DACH2: variants seen among roughly 807,000 people sequenced by gnomAD.
The protein encoded by DACH2 is dachshund homolog 2.
A neutral mutation model predicts 35.8 loss-of-function variants in DACH2; 17 were observed. The observed-to-expected ratio is 0.48, with a 90% CI of 0.33 to 0.71. The LOEUF (loss-of-function observed/expected upper bound fraction) is 0.71, where lower values mean the gene tolerates loss of function less well. Among genes scored for constraint, DACH2 ranks in the 30% least tolerant of loss-of-function variants. DACH2 has a pLI of 0.02. For missense variants in DACH2, 469 were observed against 472.7 expected (o/e 0.99, Z 0.07); for synonymous variants, 195 against 177.3 (o/e 1.10, Z -0.79).
At chrX:86,553,858 T>C (rs2039082065) in intron 3 of DACH2, among the ~76,000 whole-genome samples, 2 of 111,661 alleles carry the variant, frequency 1.8e-5, no homozygotes, top group African/African-American at 6.5e-5. Flanking sequence ...CTTAACCATA[T>C]TTGCCAAATA....
At chrX:86,687,674 A>C (rs2040962053) in intron 4 of DACH2, among the ~76,000 whole-genome samples, 1 of 111,958 alleles carries the variant, frequency 8.9e-6, no homozygotes, top group African/African-American at 3.3e-5. Flanking sequence ...TGGATTAAGA[A>C]AATGTGGCAC....
At chrX:86,214,568 C>T (rs979394004) in intron 1 of DACH2, among the ~76,000 whole-genome samples, 1 of 111,870 alleles carries the variant, frequency 8.9e-6, no homozygotes, top group Admixed American at 9.5e-5. Context: ...TAAGATACTG[C>T]TTAAACAGTG....
chrX:86,453,936 T>G (rs1481827454), intron 2 of DACH2, among the ~76,000 whole-genome samples: 1 of 112,099 alleles, frequency 8.9e-6, no homozygotes, highest in Non-Finnish European at 1.9e-5. Context: ...TTCCCATATT[T>G]AGTGCTTCCT....
rs187368556 is a variant in DACH2, at chrX:86,727,064, T to C, written c.1104+12344T>C. Among the ~76,000 whole-genome samples the C allele has an allele frequency of 2.7e-5, 3 of 112,594 alleles. No individual in the cohort carries two copies. In the East Asian group the frequency reaches 8.4e-4, roughly 32 times the overall value. On this transcript the variant is annotated intron_variant, in intron 6 of 11. Transcript: ENST00000373125. ...TAACTCATTATTTTACAAAATATCT[T>C]AGTTGAAGTCACCAGGTCTTTTATA...
intron 4 of DACH2, among the ~76,000 whole-genome samples, chrX:86,663,052 C>A (rs1472398262): frequency 9.0e-6 from 1 of 110,947 alleles, no homozygotes; most frequent in Non-Finnish European, 1.9e-5. Flanking sequence ...AAATAGAACA[C>A]AATTATGGAC....
At chrX:86,523,881 T>A (rs1024662472) in intron 3 of DACH2, among the ~76,000 whole-genome samples, 1 of 111,488 alleles carries the variant, frequency 9.0e-6, no homozygotes, top group Non-Finnish European at 1.9e-5. Context: ...TGGGTTAGAA[T>A]AATACACCTA....
intron 1 of DACH2, among the ~76,000 whole-genome samples, chrX:86,285,174 C>A (rs1384044613): frequency 1.8e-5 from 2 of 110,845 alleles, no homozygotes; most frequent in Non-Finnish European, 3.8e-5. Flanking sequence ...GTTTCAATTT[C>A]ATTTATTTTT....
intron 3 of DACH2, among the ~76,000 whole-genome samples, chrX:86,532,537 C>T (rs2038737654): frequency 9.2e-6 from 1 of 109,178 alleles, no homozygotes; most frequent in Non-Finnish European, 1.9e-5. Flanking sequence ...GTAATATGTG[C>T]CTTGCTTCTC....
At chrX:86,783,487 A>G (rs1244189262) in intron 7 of DACH2, among the ~76,000 whole-genome samples, 1 of 112,210 alleles carries the variant, frequency 8.9e-6, no homozygotes, top group Admixed American at 9.4e-5. Context: ...AGCACTGTTT[A>G]CAGTAGCTAA....
chrX:86,372,226 C>A (rs1221070962), intron 1 of DACH2, among the ~76,000 whole-genome samples: 1 of 111,235 alleles, frequency 9.0e-6, no homozygotes, highest in African/African-American at 3.3e-5. Context: ...TGGATGTCAA[C>A]TTCAAAGGTC....
rs188376080 is a variant in DACH2 at position 86,733,610 on chromosome X, T to C, written c.1105-6137T>C. Among the ~76,000 whole-genome samples the C allele has an allele frequency of 4.6e-3, 519 of 111,919 alleles. 3 individuals carry two copies. Among genetic ancestry groups the C allele is most frequent in the African/African-American group, 0.016 (493 of 30,879 alleles). ...TTCTATTCCCTGTTTGACATTTAAGTGTCTTACAGTACATTTTTCTCTATT... is the reference window on the plus strand; with the variant it reads ...TTCTATTCCCTGTTTGACATTTAAGCGTCTTACAGTACATTTTTCTCTATT... On this transcript the variant is annotated intron_variant, in intron 6 of 11. Transcript: ENST00000373125.
chrX:86,639,857 C>T (rs12557250), intron 3 of DACH2, among the ~76,000 whole-genome samples: 13,503 of 110,908 alleles, frequency 0.12, 722 homozygotes, highest in East Asian at 0.32. Flanking sequence ...CAGACTGCTG[C>T]TTTAAGTGGG....
At chrX:86,501,636 A>G (rs949116503) in intron 2 of DACH2, among the ~76,000 whole-genome samples, 4 of 112,024 alleles carry the variant, frequency 3.6e-5, no homozygotes, top group African/African-American at 1.3e-4. Context: ...TTGCTTCCCC[A>G]CTTTTCAAAC....
At chrX:86,328,573 G>A (rs1360061618) in intron 1 of DACH2, among the ~76,000 whole-genome samples, 1 of 111,647 alleles carries the variant, frequency 9.0e-6, no homozygotes, top group Non-Finnish European at 1.9e-5. Context: ...TTCAGCAGAA[G>A]TTGGAAAAAG....
intron 4 of DACH2, among the ~76,000 whole-genome samples, chrX:86,662,420 T>C (rs2040614895): frequency 9.0e-6 from 1 of 111,024 alleles, no homozygotes; most frequent in Non-Finnish European, 1.9e-5. Flanking sequence ...GGTGAAACCC[T>C]GACACTACTA....
intron 2 of DACH2, among the ~76,000 whole-genome samples, chrX:86,400,793 G>A (rs1390314600): frequency 8.9e-6 from 1 of 111,847 alleles, no homozygotes; most frequent in East Asian, 2.8e-4. Context: ...GCCCCTACTG[G>A]GGGGTGCCTC....
rs762433813 is a variant in DACH2, at chrX:86,581,022, C to G, written c.640+66631C>G. Reference sequence around the variant, plus strand: ...AGGTCACCTACAAAGGGAACCCCATCAGGCTAACAGTAGACCTTTCATCAG... The same window carrying G: ...AGGTCACCTACAAAGGGAACCCCATGAGGCTAACAGTAGACCTTTCATCAG... On this transcript the variant is annotated intron_variant, in intron 3 of 11. Coordinates refer to ENST00000373125, the MANE Select transcript of DACH2 (RefSeq NM_053281.3). 9.0e-5 allele frequency among the ~76,000 whole-genome samples: 10 copies of G among 111,632 alleles called. No individual in the cohort carries two copies. In the South Asian group the frequency reaches 1.5e-3, roughly 17 times the overall value.
At chrX:86,474,875 A>T (rs2037817601) in intron 2 of DACH2, among the ~76,000 whole-genome samples, 1 of 111,643 alleles carries the variant, frequency 9.0e-6, no homozygotes, top group African/African-American at 3.3e-5. Context: ...CTGGGATTAC[A>T]GGTGCCCACC....
At chrX:86,665,007 G>A (rs1230021157) in intron 4 of DACH2, among the ~76,000 whole-genome samples, 1 of 111,647 alleles carries the variant, frequency 9.0e-6, no homozygotes, top group African/African-American at 3.2e-5. Context: ...TGTTGTGCAA[G>A]GTTCCCCGGA....
Sources: gnomAD v4.1 joint callset for allele counts (sites outside exome capture counted in the v4.1 genomes callset) on GRCh38, gnomAD v4.1.1 for gene constraint, MANE v1.5 for transcripts, NCBI Gene and HGNC (gene_info 2026-07-23, HGNC 2026-07-21) for gene names.